FGD2: variants seen among roughly 807,000 people sequenced by gnomAD.
FGD2 encodes FYVE, RhoGEF and PH domain-containing protein 2.
FGD2 carries 52 observed loss-of-function variants against 75.9 expected under a neutral mutation model. The observed-to-expected ratio is 0.69, with a 90% CI of 0.55 to 0.86. The LOEUF is 0.86. FGD2 is among the 40% of genes least tolerant of loss of function. The pLI, the probability that FGD2 is intolerant of heterozygous loss-of-function variation, is 0.00. For missense variants in FGD2, 790 were observed against 872.0 expected (o/e 0.91, Z 1.18); for synonymous variants, 347 against 348.6 (o/e 1.00, Z 0.05).
rs1765217801 is a variant in FGD2, at chr6:37,015,078, G to T, written c.1029+40G>T. ...GGAGCTCCTCTCCACACTGGGGAGGGAAGTCCATGGGCCACTCTGGCCCGA... is the reference window on the plus strand; with the variant it reads ...GGAGCTCCTCTCCACACTGGGGAGGTAAGTCCATGGGCCACTCTGGCCCGA... On this transcript the variant is annotated intron_variant, in intron 8 of 15. Transcript: ENST00000274963. 1.0e-5 allele frequency: 16 copies of T among 1,595,070 alleles called. No homozygotes were observed. In the East Asian group the frequency reaches 3.3e-4, roughly 33 times the overall value.
At chr6:37,007,841 A>G (rs1038318815) in intron 1 of FGD2, among the ~76,000 whole-genome samples, 1 of 152,110 alleles carries the variant, frequency 6.6e-6, no homozygotes, top group African/African-American at 2.4e-5. Context: ...GGGGTGGGAG[A>G]GCCTGGGAGT....
Position 37,022,176 on chromosome 6 carries a change from G to A in FGD2, c.1327-63G>A, listed in dbSNP as rs777722210. 95 of 1,547,338 alleles carry A rather than the reference G, an allele frequency of 6.1e-5. 1 individual carries two copies. Among genetic ancestry groups the A allele is most frequent in the Middle Eastern group, 3.5e-4 (2 of 5,706 alleles). On this transcript the variant is annotated intron_variant, in intron 12 of 15. Transcript: ENST00000274963. ...AGGTGGGCACAGGGCCCCAGGCCCT[G>A]GGAGGATGGGCGGAAGAAGGTCACC...
Position 37,008,368 on chromosome 6 carries a change from G to T in FGD2, c.69-466G>T, listed in dbSNP as rs372538967. On this transcript the variant is annotated intron_variant, in intron 1 of 15. Coordinates refer to ENST00000274963, the MANE Select transcript of FGD2 (RefSeq NM_173558.4). ...GCTGGCTCTCCCTGCTTCTGGACGT[G>T]TGGAGGATGTCGATCCCATTGAGAA... Among the ~76,000 whole-genome samples the T allele has an allele frequency of 3.4e-4, 52 of 152,284 alleles. No homozygotes were observed. The East Asian group carries it at 0.01, about 29-fold the overall frequency.
intron 4 of FGD2, chr6:37,012,989 T>TACATATATATACGTATAC (rs1295876710): frequency 1.0e-5 from 1 of 97,134 alleles, no homozygotes; most frequent in East Asian, 5.7e-4. Flanking sequence ...TGTGTGTGTA[T>TACATATATATACGTATAC]ACATATATAT....
In FGD2 at chr6:37,028,386, G is replaced by C. The variant is rs566899116; in HGVS notation, c.*223G>C. 805 of 518,066 alleles carry C rather than the reference G, an allele frequency of 1.6e-3. 15 individuals carry two copies. The South Asian group carries it at 0.027, about 17-fold the overall frequency. 32.1% of individuals were successfully genotyped at this position (518,066 alleles called of 1,614,324 possible). A position where few individuals can be genotyped will look rare whatever the true frequency, so the allele number is the denominator to read the frequency against. ...CAAGTGTCTCAGTTTGCCTTGCGGG[G>C]AGGGGGCTCCTGGGCCATGGGACTT... is the stretch of plus-strand genomic sequence containing the variant. On this transcript the variant is annotated 3_prime_UTR_variant, in exon 16 of 16. Coordinates refer to ENST00000274963, the MANE Select transcript of FGD2 (RefSeq NM_173558.4).
intron 2 of FGD2, 44 bp from the exon 3 acceptor site, chr6:37,010,929 G>A (rs1764970819): frequency 1.3e-6 from 2 of 1,594,448 alleles, no homozygotes; most frequent in Non-Finnish European, 1.7e-6. Context: ...GACCAAAGCT[G>A]TCTTCCCCCT....
In FGD2 at chr6:37,021,576, G is replaced by A. The variant is rs1561939378; in HGVS notation, c.1298G>A (p.Gly433Glu). Residue 433 changes from glycine (G) to glutamate (E), a missense_variant, in exon 12 of 16, where the codon GGG becomes GAG. By Grantham distance (98) the Gly-to-Glu change is moderately conservative (BLOSUM62 -2). Transcript: ENST00000274963. Reference sequence around the variant, plus strand: ...GAAACCTTCAAGGCTGCGGCCCAGGGGCCTGAGGGAGACATCCAGGAGCAG... The same window carrying A: ...GAAACCTTCAAGGCTGCGGCCCAGGAGCCTGAGGGAGACATCCAGGAGCAG... Reference protein sequence around the residue: ...RNETFKAAAQGPEGDIQEQEL... With the variant: ...RNETFKAAAQEPEGDIQEQEL... The A allele has an allele frequency of 7.4e-6, 12 of 1,613,914 alleles. No individual in the cohort carries two copies. Among genetic ancestry groups the A allele is most frequent in the Non-Finnish European group, 9.3e-6 (11 of 1,179,956 alleles).
intron 9 of FGD2, among the ~76,000 whole-genome samples, chr6:37,018,101 G>T (rs1765389647): frequency 6.6e-6 from 1 of 152,204 alleles, no homozygotes; most frequent in African/African-American, 2.4e-5. Context: ...GAGAAATGGA[G>T]ACGGGTGGCC....
intron 4 of FGD2, 45 bp from the exon 5 acceptor site, chr6:37,013,564 G>A: frequency 6.3e-7 from 1 of 1,593,802 alleles, no homozygotes; most frequent in Non-Finnish European, 8.6e-7. Flanking sequence ...CTAGAGTCGA[G>A]AGGAGGTCTC....
chr6:37,007,173 C>G (rs561321203), intron 1 of FGD2, among the ~76,000 whole-genome samples: 1 of 152,226 alleles, frequency 6.6e-6, no homozygotes, highest in Non-Finnish European at 1.5e-5. Flanking sequence ...CTGAGCTCAT[C>G]GAATAACTAT....
In FGD2 at chr6:37,015,026, C is replaced by T. The variant is rs762693959; in HGVS notation, c.1017C>T (p.Arg339=). The stretch of plus-strand genomic sequence containing the variant: ...TCCGCCGCAACGACCCCATGGAGCG[C>T]TACCTTTTCTTGGTAAGAGGGTGCT... The part of the protein sequence containing the change: ...ISFRRNDPME[R]YLFLFNNMLL... Residue 339 remains arginine, a synonymous_variant, in exon 8 of 16, where the codon CGC becomes CGT. Coordinates refer to ENST00000274963, the MANE Select transcript of FGD2 (RefSeq NM_173558.4). The T allele has an allele frequency of 2.5e-6, 4 of 1,613,616 alleles. No homozygotes were observed. Among genetic ancestry groups the T allele is most frequent in the South Asian group, 1.1e-5 (1 of 91,046 alleles).
chr6:37,014,350 T>C, intron 6 of FGD2: 3 of 617,662 alleles, frequency 4.9e-6, no homozygotes, highest in East Asian at 2.8e-5. Context: ...CCCATGCCTA[T>C]GTGATACCAA....
At chr6:37,006,022 C>T in intron 1 of FGD2, 137 bp downstream of exon 1, 1 of 970,564 alleles carries the variant, frequency 1.0e-6, no homozygotes, top group East Asian at 2.6e-5. Flanking sequence ...GTCACGGATT[C>T]CTTGGAGCAT....
chr6:37,020,672 CTG>C, intron 10 of FGD2, 35 bp from the exon 11 acceptor site: 1 of 1,578,170 alleles, frequency 6.3e-7, no homozygotes, highest in Non-Finnish European at 8.6e-7. Context: ...CTGGGAGGGG[CTG>C]ATCTCCTCAA....
chr6:37,024,151 G>C (rs1322228556), intron 13 of FGD2: 1 of 152,148 alleles, frequency 6.6e-6, no homozygotes, highest in Non-Finnish European at 1.5e-5. Flanking sequence ...GAACAGCCTG[G>C]CCAACATGGT....
intron 9 of FGD2, 56 bp from the exon 10 acceptor site, chr6:37,020,485 T>C: frequency 6.6e-7 from 1 of 1,518,392 alleles, no homozygotes; most frequent in Non-Finnish European, 9.0e-7. Flanking sequence ...CACAGTGCTG[T>C]GCCTGGGACC....
At chr6:37,021,018 GTATGTGTGTATGTGTA>G (rs1269713625) in intron 11 of FGD2, among the ~76,000 whole-genome samples, 6 of 150,516 alleles carry the variant, frequency 4.0e-5, no homozygotes, top group Non-Finnish European at 8.8e-5. Context: ...GTGTGTACAT[GTATGTGTGTATGTGTA>G]TATGTGTGTT....
At chr6:37,018,006 T>C (rs1765385433) in intron 9 of FGD2, among the ~76,000 whole-genome samples, 2 of 152,178 alleles carry the variant, frequency 1.3e-5, no homozygotes, top group Admixed American at 1.3e-4. Context: ...GAATGTCACA[T>C]AGACCAGGGC....
chr6:37,010,993 C>T lies in FGD2; in HGVS notation c.321C>T (p.Val107=), dbSNP rs751125428. 1.9e-6 allele frequency: 3 copies of T among 1,614,198 alleles called. No homozygotes were observed. In the East Asian group the frequency reaches 6.7e-5, roughly 36 times the overall value. Residue 107 remains valine, a synonymous_variant, in exon 3 of 16, where the codon GTC becomes GTT. Transcript: ENST00000274963. ...SGTQEPEKKI[V]QELLETEQAY... is the part of the protein sequence containing the mutation. ...CGCAGGAGCCAGAGAAGAAGATCGTCCAGGAGCTGCTGGAGACAGAGCAGG... is the reference window on the plus strand; with the variant it reads ...CGCAGGAGCCAGAGAAGAAGATCGTTCAGGAGCTGCTGGAGACAGAGCAGG...
Sources: allele counts gnomAD v4.1 joint callset (sites outside exome capture counted in the v4.1 genomes callset), GRCh38; gene constraint gnomAD v4.1.1; transcripts MANE v1.5; gene names NCBI Gene and HGNC (gene_info 2026-07-23, HGNC 2026-07-21).